Variants in NTRK3 observed in about 807,000 individuals in gnomAD.
The protein encoded by NTRK3 is NT-3 growth factor receptor.
Under a neutral mutation model 91.7 loss-of-function variants are expected in NTRK3, and 24 were observed. The ratio of observed to expected loss-of-function variants is 0.26; its 90% confidence interval spans 0.19 to 0.37. The LOEUF is 0.37. Among genes scored for constraint, NTRK3 ranks in the 10% least tolerant of loss-of-function variants. NTRK3 has a pLI of 1.00. For missense variants in NTRK3, 880 were observed against 1,068.9 expected, an observed-to-expected ratio of 0.82 and a Z score of 2.46; for synonymous variants, 483 against 404.0, an observed-to-expected ratio of 1.20 and a Z score of -2.34.
chr15:87,894,080 C>T (rs2065981740), intron 17 of NTRK3, among the ~76,000 whole-genome samples: 1 of 152,140 alleles, frequency 6.6e-6, no homozygotes, highest in African/African-American at 2.4e-5. Flanking sequence ...TTCTTGATTC[C>T]ATGTCTATTC....
chr15:87,984,003 G>A (rs2074519768), intron 14 of NTRK3, among the ~76,000 whole-genome samples: 1 of 152,128 alleles, frequency 6.6e-6, no homozygotes, highest in African/African-American at 2.4e-5. Context: ...GGACCTTCCA[G>A]ATAAGGAAAC....
rs2049817843 is a variant in NTRK3, at chr15:88,216,842, T to C, written c.249-32543A>G. Reference sequence around the variant, plus strand: ...CTGATCTCACCCTTCCTTGCTACAGTTGACTGTGGAATAGCCTCAGGCCCT... The same window carrying C: ...CTGATCTCACCCTTCCTTGCTACAGCTGACTGTGGAATAGCCTCAGGCCCT... On this transcript the variant is annotated intron_variant, in intron 3 of 18. Transcript: ENST00000394480. 2.0e-5 allele frequency among the ~76,000 whole-genome samples: 3 copies of C among 152,204 alleles called. No individual in the cohort carries two copies. The South Asian group carries it at 6.2e-4, about 32-fold the overall frequency.
At chr15:87,902,505 G>C (rs528706415) in intron 17 of NTRK3, among the ~76,000 whole-genome samples, 9 of 152,316 alleles carry the variant, frequency 5.9e-5, no homozygotes, top group African/African-American at 1.9e-4. Flanking sequence ...GACAAAGAGA[G>C]AGGCAGAGAA....
At chr15:88,130,874 C>A (rs2041265678) in intron 10 of NTRK3, among the ~76,000 whole-genome samples, 2 of 151,950 alleles carry the variant, frequency 1.3e-5, no homozygotes, top group African/African-American at 4.8e-5. Context: ...CACATCTGTA[C>A]ACTAGATAAT....
At position 87,938,682 on chromosome 15, in the gene NTRK3, G is replaced by A. The variant is rs76322381; in HGVS notation, c.1716+1941C>T. The stretch of plus-strand genomic sequence containing the variant: ...CATCATTTCATTCTCTGCTGAAAGT[G>A]CAAAAATGTTCAGTTCATTCTCCAG... On this transcript the variant is annotated intron_variant, in intron 15 of 18. Transcript: ENST00000394480. Among the ~76,000 whole-genome samples the A allele has an allele frequency of 1.5e-3, 222 of 152,308 alleles. 2 individuals are homozygous for A. The East Asian group carries it at 0.023, about 16-fold the overall frequency.
exon 19 of NTRK3, chr15:87,876,644 A>ACTAGAGAAGGTAAC (rs2064958674): frequency 4.2e-5 from 9 of 214,764 alleles, no homozygotes; most frequent in Non-Finnish European, 8.4e-5. Context: ...GGTTTTCTGT[A>ACTAGAGAAGGTAAC]TCAGCAGCTT....
intron 17 of NTRK3, among the ~76,000 whole-genome samples, chr15:87,918,182 G>C (rs926188924): frequency 2.0e-5 from 3 of 152,060 alleles, no homozygotes; most frequent in African/African-American, 7.2e-5. Flanking sequence ...CTCTTTCCTG[G>C]GCCAGTGCAA....
At chr15:88,180,538 G>T (rs375492885) in intron 5 of NTRK3, among the ~76,000 whole-genome samples, 1 of 152,086 alleles carries the variant, frequency 6.6e-6, no homozygotes, top group Non-Finnish European at 1.5e-5. Flanking sequence ...ACTGATTAAC[G>T]CAACAGTAGC....
intron 14 of NTRK3, among the ~76,000 whole-genome samples, chr15:87,999,759 G>A (rs1259920160): frequency 6.6e-6 from 1 of 152,178 alleles, no homozygotes; most frequent in Admixed American, 6.5e-5. Context: ...GAGGAAGATG[G>A]CACTGGGACA....
At chr15:88,043,179 G>C (rs560978481) in intron 13 of NTRK3, among the ~76,000 whole-genome samples, 1 of 152,178 alleles carries the variant, frequency 6.6e-6, no homozygotes, top group African/African-American at 2.4e-5. Context: ...GCATCCTGGA[G>C]GGAAGGCAGA....
At chr15:87,877,816 T>A (rs2065022258) in intron 18 of NTRK3, among the ~76,000 whole-genome samples, 1 of 151,878 alleles carries the variant, frequency 6.6e-6, no homozygotes, top group South Asian at 2.1e-4. Context: ...TCTCAGCATG[T>A]CCATCTGTAA....
At chr15:87,877,236 C>T in intron 18 of NTRK3, 116 bp from the exon 20 acceptor site, 2 of 1,057,020 alleles carry the variant, frequency 1.9e-6, no homozygotes, top group African/African-American at 1.6e-5. Context: ...AGCCGAGGCT[C>T]TCACAAGCAC....
chr15:88,210,702 C>A (rs192444846), intron 3 of NTRK3, among the ~76,000 whole-genome samples: 3 of 152,320 alleles, frequency 2.0e-5, no homozygotes, highest in African/African-American at 2.4e-5. Flanking sequence ...AAAGCAGAAG[C>A]CTTCTCTCAT....
At position 88,050,517 on chromosome 15, in the gene NTRK3, A is replaced by G. The variant is rs200768141; in HGVS notation, c.1397-17472T>C. ...TGTGTGTGTGTGTGTGTGTGTGTGTATGTGTGTGTGTGTTTGTATAGAAAG... is the reference window on the plus strand; with the variant it reads ...TGTGTGTGTGTGTGTGTGTGTGTGTGTGTGTGTGTGTGTTTGTATAGAAAG... On this transcript the variant is annotated intron_variant, in intron 13 of 18. Coordinates refer to ENST00000394480, the Ensembl canonical transcript of NTRK3. Among the ~76,000 whole-genome samples, 871 of 108,938 alleles carry G rather than the reference A, an allele frequency of 8.0e-3. 10 individuals carry two copies. The highest frequency in any genetic ancestry group is 0.037 in the African/African-American group (822 of 22,354). 71.5% of individuals were successfully genotyped at this position (108,938 alleles called of 152,430 possible).
intron 17 of NTRK3, among the ~76,000 whole-genome samples, chr15:87,915,445 T>C (rs1434355852): frequency 6.6e-6 from 1 of 152,232 alleles, no homozygotes; most frequent in African/African-American, 2.4e-5. Context: ...TTACAAAAAT[T>C]AGCTCCTGGT....
chr15:88,215,582 G>C (rs531734394), intron 3 of NTRK3, among the ~76,000 whole-genome samples: 1 of 152,154 alleles, frequency 6.6e-6, no homozygotes, highest in Non-Finnish European at 1.5e-5. Flanking sequence ...GGAAAGCTGG[G>C]GGAAGAGGCC....
chr15:88,192,357 A>C (rs1597867823), intron 3 of NTRK3, among the ~76,000 whole-genome samples: 1 of 151,014 alleles, frequency 6.6e-6, no homozygotes, highest in Non-Finnish European at 1.5e-5. Flanking sequence ...CTCCTATCCT[A>C]CCCCTCCCCA....
At chr15:88,062,495 C>G (rs1436428886) in intron 13 of NTRK3, among the ~76,000 whole-genome samples, 1 of 152,206 alleles carries the variant, frequency 6.6e-6, no homozygotes, top group Non-Finnish European at 1.5e-5. Context: ...GTAGGCCTAT[C>G]TCTGCCCTCC....
intron 13 of NTRK3, among the ~76,000 whole-genome samples, chr15:88,042,044 C>G (rs1172880754): frequency 1.3e-5 from 2 of 152,038 alleles, no homozygotes; most frequent in African/African-American, 2.4e-5. Flanking sequence ...ATGAAGCAAA[C>G]AAGCCAACCT....
Sources: gnomAD v4.1 joint callset for allele counts (sites outside exome capture counted in the v4.1 genomes callset) on GRCh38, gnomAD v4.1.1 for gene constraint, MANE v1.5 for transcripts, NCBI Gene and HGNC (gene_info 2026-07-23, HGNC 2026-07-21) for gene names.